Variants in SYNE2 observed in about 807,000 individuals in gnomAD.
SYNE2 encodes the protein spectrin repeat containing nuclear envelope protein 2.
A neutral mutation model predicts 856.3 loss-of-function variants in SYNE2; 431 were observed. The ratio of observed to expected loss-of-function variants is 0.50; its 90% CI spans 0.47 to 0.55. SYNE2 has a LOEUF of 0.55. Among genes scored for constraint, SYNE2 ranks in the 20% least tolerant of loss-of-function variants. The probability of loss-of-function intolerance (pLI) is 0.00; values close to 1 mark genes in which losing one functional copy is unlikely to be tolerated. For missense variants in SYNE2, 8,129 were observed against 8,023.2 expected, an observed-to-expected ratio of 1.01 and a Z score of -0.50; for synonymous variants, 2,923 against 2,872.3, an observed-to-expected ratio of 1.02 and a Z score of -0.56.
intron 84 of SYNE2, among the ~76,000 whole-genome samples, chr14:64,150,287 C>G (rs1345484148): frequency 5.0e-5 from 3 of 60,128 alleles, no homozygotes; most frequent in African/African-American, 1.4e-4. Context: ...GCAAGATTCT[C>G]TCTCAAAAAA....
rs775814844 is a variant in SYNE2, at chr14:64,165,322, T to C, written c.16517T>C (p.Leu5506Pro). The change falls in exon 90 of 116, where the codon CTG becomes CCG. Residue 5506 changes from leucine (L) to proline (P), a missense_variant. This residue lies in a region of SYNE2 where 5,410 missense variants were observed against 5,284.8 expected (regional missense o/e 1.02). Transcript: ENST00000555002. ...CAGTTTAAGGATTTTGGAGTCCGGC[T>C]GGAATCTTTAAAAGGTCTTATTATG... is the stretch of plus-strand genomic sequence containing the variant. ...LSQFKDFGVR[L>P]ESLKGLIMHE... 6.2e-7 allele frequency: 1 copy of C among 1,614,038 alleles called. No individual in the cohort carries two copies. Among genetic ancestry groups the C allele is most frequent in the South Asian group, 1.1e-5 (1 of 91,076 alleles).
intron 1 of SYNE2, among the ~76,000 whole-genome samples, chr14:63,816,267 A>G (rs1169148892): frequency 6.6e-6 from 1 of 152,042 alleles, no homozygotes; most frequent in African/African-American, 2.4e-5. Flanking sequence ...TTATTACCAT[A>G]TAGAGGCCTA....
chr14:64,027,295 A>G (rs931394383), intron 42 of SYNE2, among the ~76,000 whole-genome samples, 189 bp from the exon 43 acceptor site: 14 of 152,158 alleles, frequency 9.2e-5, no homozygotes, highest in African/African-American at 3.1e-4. Context: ...GTAATACTCA[A>G]ATAATTTCTG....
rs761944296 is a variant in SYNE2 at position 64,070,891 on chromosome 14, A to T, written c.10678A>T (p.Met3560Leu). 1 of 1,614,204 alleles carries T rather than the reference A, an allele frequency of 6.2e-7. No homozygotes were observed. Among genetic ancestry groups the T allele is most frequent in the South Asian group, 1.1e-5 (1 of 91,080 alleles). Reference protein sequence around the residue: ...TVPAFQEITSMKERCNKLLQK... With the variant: ...TVPAFQEITSLKERCNKLLQK... Reference sequence around the variant, plus strand: ...TCCAGCATTTCAAGAAATTACTTCTATGAAAGAACGATGCAACAAGTAAGA... The same window carrying T: ...TCCAGCATTTCAAGAAATTACTTCTTTGAAAGAACGATGCAACAAGTAAGA... Residue 3560 changes from methionine (M) to leucine (L), a missense_variant, in exon 52 of 116, where the codon ATG (methionine) becomes TTG (leucine). Met to Leu is a conservative substitution (Grantham distance 15). This residue lies in a region of SYNE2 where 5,410 missense variants were observed against 5,284.8 expected (regional missense o/e 1.02). Transcript: ENST00000555002.
intron 1 of SYNE2, among the ~76,000 whole-genome samples, chr14:63,865,539 G>A (rs1207617679): frequency 1.3e-5 from 2 of 151,960 alleles, no homozygotes; most frequent in Non-Finnish European, 2.9e-5. Context: ...ACTCCCAAGT[G>A]GAGGAGAGTA....
chr14:63,953,911 C>T (rs1486709376), intron 7 of SYNE2, among the ~76,000 whole-genome samples: 2 of 152,072 alleles, frequency 1.3e-5, no homozygotes, highest in African/African-American at 4.8e-5. Context: ...TAGCATGTGT[C>T]AGAATTTCCC....
At chr14:64,009,828 G>A in intron 31 of SYNE2, 138 bp from the exon 32 acceptor site, 3 of 715,154 alleles carry the variant, frequency 4.2e-6, no homozygotes, top group Non-Finnish European at 7.0e-6. Flanking sequence ...AGGTTAAATT[G>A]GTAAAAAGTA....
At position 64,103,638 on chromosome 14, in the gene SYNE2, A is replaced by G. The variant is rs187349230; in HGVS notation, c.12492+1596A>G. ...TAATCATTGGCGCCATTCTCTGCCT[A>G]TACCTGCCTTGTCAGTCTCTGCCTC... is the stretch of plus-strand genomic sequence containing the variant. On this transcript the variant is annotated intron_variant, in intron 64 of 115. Transcript: ENST00000555002. Among the ~76,000 whole-genome samples, 452 of 152,112 alleles carry G rather than the reference A, an allele frequency of 3.0e-3. 5 individuals carry two copies. In the South Asian group the frequency reaches 0.036, roughly 12 times the overall value.
intron 1 of SYNE2, among the ~76,000 whole-genome samples, chr14:63,810,235 AG>A (rs1390319229): frequency 4.7e-5 from 7 of 149,592 alleles, no homozygotes; most frequent in African/African-American, 1.7e-4. Context: ...AAAAAAAAAA[AG>A]AGAGAGAGAG....
At chr14:63,805,666 C>A (rs1170952897) in intron 1 of SYNE2, among the ~76,000 whole-genome samples, 9 of 152,210 alleles carry the variant, frequency 5.9e-5, no homozygotes, top group Non-Finnish European at 2.9e-5. Context: ...AGCCACCGCG[C>A]CCGGCCATCA....
intron 1 of SYNE2, among the ~76,000 whole-genome samples, chr14:63,776,307 C>T (rs1013189910): frequency 2.6e-5 from 4 of 152,172 alleles, no homozygotes; most frequent in Admixed American, 2.6e-4. Context: ...TTAGTCCAAT[C>T]CAGCTGCACA....
chr14:63,831,215 A>G (rs1340280988), intron 1 of SYNE2, among the ~76,000 whole-genome samples: 2 of 152,026 alleles, frequency 1.3e-5, no homozygotes, highest in Non-Finnish European at 2.9e-5. Context: ...TTTTTCAGGA[A>G]GAGTTATGGG....
intron 6 of SYNE2, among the ~76,000 whole-genome samples, chr14:63,943,773 A>C (rs1055899430): frequency 1.3e-4 from 20 of 151,114 alleles, no homozygotes; most frequent in Admixed American, 7.9e-4. Context: ...TGGGTTCAAG[A>C]GGTTCTCCTG....
At position 64,021,281 on chromosome 14, in the gene SYNE2, CTG is replaced by C. The variant is rs556242510; in HGVS notation, c.5152-32_5152-31del. ...TGTCTTAAATCTAGTTAAATAATGA[CTG>C]TTATACAACTTCATATATTTCATGA... On this transcript the variant is annotated intron_variant, in intron 35 of 115. Coordinates refer to ENST00000555002, the MANE Select transcript of SYNE2 (RefSeq NM_182914.3). 3,896 of 1,528,146 alleles carry C rather than the reference CTG, an allele frequency of 2.5e-3. 40 individuals are homozygous for C. The highest frequency in any genetic ancestry group is 0.02 in the South Asian group (1,769 of 89,136). The allele number at this position is 1,528,146 out of a possible 1,614,324, so 94.7% of individuals were successfully genotyped here.
rs200404150 is a variant in SYNE2 at position 64,025,225 on chromosome 14, T to C, written c.6056T>C (p.Met2019Thr). 4 of 1,614,096 alleles carry C rather than the reference T, an allele frequency of 2.5e-6. No homozygotes were observed. Among genetic ancestry groups the C allele is most frequent in the Non-Finnish European group, 3.4e-6 (4 of 1,179,996 alleles). ...EEIIMEATCLMDRYQTLLRQL... is the reference protein window; with the variant it reads ...EEIIMEATCLTDRYQTLLRQL... ...ATAATAATGGAAGCAACATGTTTGA[T>C]GGATAGATACCAGACATTACTGAGA... Residue 2019 changes from methionine to threonine, a missense_variant, in exon 41 of 116, where the codon ATG becomes ACG. This residue lies in a region of SYNE2 where 2,422 missense variants were observed against 2,357.4 expected (regional missense o/e 1.03). Coordinates refer to ENST00000555002, the MANE Select transcript of SYNE2 (RefSeq NM_182914.3).
chr14:64,045,769 A>G (rs768887221), intron 45 of SYNE2, among the ~76,000 whole-genome samples: 1 of 152,252 alleles, frequency 6.6e-6, no homozygotes, highest in African/African-American at 2.4e-5. Context: ...AACCCTGGAC[A>G]GTTGAATTCT....
intron 110 of SYNE2, among the ~76,000 whole-genome samples, chr14:64,219,871 A>G (rs1481293429): frequency 5.9e-5 from 9 of 152,274 alleles, no homozygotes; most frequent in South Asian, 4.2e-4. Context: ...CTTTTATGCA[A>G]TTAGGATGTG....
chr14:64,220,495 G>C lies in SYNE2; in HGVS notation c.19919G>C (p.Ser6640Thr). The C allele has an allele frequency of 1.2e-6, 2 of 1,614,228 alleles. No individual in the cohort carries two copies. The highest frequency in any genetic ancestry group is 2.7e-5 in the African/African-American group (2 of 75,056). Residue 6640 changes from serine to threonine, a missense_variant, in exon 111 of 116, where the codon AGC (serine) becomes ACC (threonine). Ser to Thr is a moderately conservative substitution (Grantham distance 58, BLOSUM62 1). Coordinates refer to ENST00000555002, the MANE Select transcript of SYNE2 (RefSeq NM_182914.3). ...TTAGTGGTCTCTGTCAACGTGAGCA[G>C]CAAGGAATTTCTGCAAACCGAGAGC... ...KALVVSVNVS[S>T]KEFLQTESPE...
chr14:63,872,938 C>G (rs989965099), intron 1 of SYNE2, among the ~76,000 whole-genome samples: 2 of 151,974 alleles, frequency 1.3e-5, no homozygotes, highest in Non-Finnish European at 2.9e-5. Context: ...ATTAGTATGT[C>G]TCAGTTTATC....
Sources: gnomAD v4.1 joint callset for allele counts (sites outside exome capture counted in the v4.1 genomes callset) on GRCh38, gnomAD v4.1.1 for gene constraint, gnomAD v4.1.1 regional missense constraint, MANE v1.5 for transcripts, NCBI Gene and HGNC (gene_info 2026-07-23, HGNC 2026-07-21) for gene names.